ICAM5: variants seen among roughly 807,000 people sequenced by gnomAD.
ICAM5 encodes the protein intercellular adhesion molecule 5.
Under a neutral mutation model 78.8 loss-of-function variants are expected in ICAM5, and 38 were observed. That is an observed-to-expected ratio of 0.48 (90% CI 0.37 to 0.63). The LOEUF is 0.63. Ranked by LOEUF, ICAM5 falls within the 30% of genes least tolerant of loss-of-function variation. The pLI is 0.00. For synonymous variants in ICAM5, 544 were observed against 590.9 expected (o/e 0.92, Z 1.15); for missense variants, 1,059 against 1,303.0 (o/e 0.81, Z 2.88).
chr19:10,296,306 T>C, intron 10 of ICAM5, 33 bp from the exon 11 acceptor site: 1 of 1,227,550 alleles, frequency 8.1e-7, no homozygotes, highest in Non-Finnish European at 1.0e-6. Context: ...CCCCGGAGCT[T>C]GGCCACCCTC....
intron 10 of ICAM5, among the ~76,000 whole-genome samples, chr19:10,295,984 G>C (rs2040217421): frequency 6.6e-6 from 1 of 152,030 alleles, no homozygotes; most frequent in Non-Finnish European, 1.5e-5. Context: ...GGTCAAGATC[G>C]CCTTCTCTCA....
Position 10,294,462 on chromosome 19 carries a change from G to A in ICAM5, c.2052G>A (p.Glu684=). The A allele has an allele frequency of 6.2e-7, 1 of 1,609,614 alleles. No homozygotes were observed. Among genetic ancestry groups the A allele is most frequent in the Non-Finnish European group, 8.5e-7 (1 of 1,178,128 alleles). ...PSHQTWLEGA[E]ASALACAARG... Reference sequence around the variant, plus strand: ...ACCAGACGTGGCTGGAAGGGGCTGAGGCTTCCGCGCTGGCCTGCGCCGCCC... The same window carrying A: ...ACCAGACGTGGCTGGAAGGGGCTGAAGCTTCCGCGCTGGCCTGCGCCGCCC... Residue 684 remains glutamate (E), a synonymous_variant, in exon 9 of 11, where the codon GAG becomes GAA. Transcript: ENST00000221980. The surrounding 1 kb of genome is among the most constrained non-coding windows in gnomAD (Gnocchi z 7.7).
In ICAM5 at chr19:10,291,575, G is replaced by A. The variant is rs749207610; in HGVS notation, c.439G>A (p.Ala147Thr). 10 of 1,612,422 alleles carry A rather than the reference G, an allele frequency of 6.2e-6. No individual in the cohort carries two copies. Among genetic ancestry groups the A allele is most frequent in the Non-Finnish European group, 7.6e-6 (9 of 1,179,900 alleles). Residue 147 changes from alanine (A) to threonine (T), a missense_variant, in exon 3 of 11, where the codon GCC (alanine) becomes ACC (threonine). Coordinates refer to ENST00000221980, the MANE Select transcript of ICAM5 (RefSeq NM_003259.4). ...NFTLSCRVPG[A>T]GPRASLTLTL... ...CACCCTGAGCTGTAGGGTCCCCGGC[G>A]CCGGGCCCCGTGCGAGCCTCACGCT...
chr19:10,295,058 G>A (rs75095909), intron 9 of ICAM5, among the ~76,000 whole-genome samples: 6,171 of 152,160 alleles, frequency 0.041, 178 homozygotes, highest in Non-Finnish European at 0.052. Flanking sequence ...CTCTTTCTTA[G>A]AAAAACAGAA....
chr19:10,296,508 C>A lies in ICAM5; in HGVS notation c.2667C>A (p.Gly889=), dbSNP rs1316726985. 1 of 1,222,000 alleles carries A rather than the reference C, an allele frequency of 8.2e-7. No homozygotes were observed. Among genetic ancestry groups the A allele is most frequent in the South Asian group, 3.6e-5 (1 of 28,136 alleles). 75.7% of individuals were successfully genotyped at this position (1,222,000 alleles called of 1,614,324 possible). ...GEAVCLNGAG[G]GAGGAAGAEG... is the part of the protein sequence containing the mutation. ...CCGTGTGTCTGAACGGAGCGGGCGG[C>A]GGCGCTGGCGGGGCGGCAGGCGCGG... Residue 889 remains glycine (G), a synonymous_variant, in exon 11 of 11, where the codon GGC becomes GGA. Transcript: ENST00000221980.
At chr19:10,291,034 G>A (rs1245404851) in intron 1 of ICAM5, 38 bp from the exon 2 acceptor site, 5 of 1,576,058 alleles carry the variant, frequency 3.2e-6, no homozygotes, top group South Asian at 2.3e-5. Context: ...ATGTCAGGGA[G>A]TTGGCTCCCC....
chr19:10,292,570 G>A lies in ICAM5; in HGVS notation c.962-42G>A, dbSNP rs753294969. The A allele has an allele frequency of 1.7e-5, 26 of 1,520,814 alleles. 1 individual carries two copies. The South Asian group carries it at 3.1e-4, about 18-fold the overall frequency. 94.2% of individuals were successfully genotyped at this position (1,520,814 alleles called of 1,614,324 possible). ...AAGGGGCGGGCCTTGACCGGAGGGA[G>A]GGGTATGGTCAGTATACTACGACCA... On this transcript the variant is annotated intron_variant, in intron 4 of 10. Coordinates refer to ENST00000221980, the MANE Select transcript of ICAM5 (RefSeq NM_003259.4).
chr19:10,290,755 C>G lies in ICAM5; in HGVS notation c.83-317C>G. 1 of 444,472 alleles carries G rather than the reference C, an allele frequency of 2.2e-6. No homozygotes were observed. Among genetic ancestry groups the G allele is most frequent in the South Asian group, 4.0e-5 (1 of 25,070 alleles). The allele number at this position is 444,472 out of a possible 1,614,324, so 27.5% of individuals were successfully genotyped here. On this transcript the variant is annotated intron_variant, in intron 1 of 10. Coordinates refer to ENST00000221980, the MANE Select transcript of ICAM5 (RefSeq NM_003259.4). This position sits in a 1 kb window ranked among gnomAD's most constrained non-coding sequence, Gnocchi z 5.7. ...CATCCCCCATCCCGGGTCCCCTTCT[C>G]TCAGCCTTGCTGTGTTCATCCAAGA...
At position 10,289,978 on chromosome 19, in the gene ICAM5, G is replaced by A; in HGVS notation, c.-66G>A. On this transcript the variant is annotated 5_prime_UTR_variant, in exon 1 of 11. Transcript: ENST00000221980. ...CACCCCACCCGCCGCGCCGCGCGGA[G>A]CCGTCCTCTAGCCCAGCTCCTCGGC... The A allele has an allele frequency of 7.3e-7, 1 of 1,369,012 alleles. No homozygotes were observed. Among genetic ancestry groups the A allele is most frequent in the Non-Finnish European group, 9.9e-7 (1 of 1,011,256 alleles). The allele number at this position is 1,369,012 out of a possible 1,614,324, so 84.8% of individuals were successfully genotyped here.
rs1367110268 is a variant in ICAM5 at position 10,290,861 on chromosome 19, C to T, written c.83-211C>T. ...GCGCTTTGGAGACCATGGCTCTCTGCTACCACGTCCCAGAGACACCCTCGA... is the reference window on the plus strand; with the variant it reads ...GCGCTTTGGAGACCATGGCTCTCTGTTACCACGTCCCAGAGACACCCTCGA... On this transcript the variant is annotated intron_variant, in intron 1 of 10. Transcript: ENST00000221980. This position sits in a 1 kb window ranked among gnomAD's most constrained non-coding sequence, Gnocchi z 5.7. 1.6e-6 allele frequency: 1 copy of T among 635,832 alleles called. No homozygotes were observed. Among genetic ancestry groups the T allele is most frequent in the Non-Finnish European group, 2.7e-6 (1 of 371,756 alleles). The allele number at this position is 635,832 out of a possible 1,614,324, so 39.4% of individuals were successfully genotyped here. A position where few individuals can be genotyped will look rare whatever the true frequency, so the allele number is the denominator to read the frequency against.
Position 10,291,029 on chromosome 19 carries a change from A to C in ICAM5, c.83-43A>C, listed in dbSNP as rs756777035. On this transcript the variant is annotated intron_variant, in intron 1 of 10. Transcript: ENST00000221980. ...CTCGACATAGGGGCGCTAAGATGTC[A>C]GGGAGTTGGCTCCCCAGGCTCAGCC... 9 of 1,568,872 alleles carry C rather than the reference A, an allele frequency of 5.7e-6. No homozygotes were observed. In the East Asian group the frequency reaches 1.8e-4, roughly 32 times the overall value.
chr19:10,290,700 T>A lies in ICAM5; in HGVS notation c.83-372T>A, dbSNP rs1239678611. The A allele has an allele frequency of 9.2e-6, 3 of 327,694 alleles. No individual in the cohort carries two copies. The highest frequency in any genetic ancestry group is 1.7e-5 in the Non-Finnish European group (3 of 177,802). The allele number at this position is 327,694 out of a possible 1,614,324, so 20.3% of individuals were successfully genotyped here. A position where few individuals can be genotyped will look rare whatever the true frequency, so the allele number is the denominator to read the frequency against. ...GCACTCTCCTCGTATCCCGGCATTC[T>A]GCCAGGACCCTGAGAACTGGTTCAT... On this transcript the variant is annotated intron_variant, in intron 1 of 10. Transcript: ENST00000221980. This position sits in a 1 kb window ranked among gnomAD's most constrained non-coding sequence, Gnocchi z 5.7.
chr19:10,295,727 T>A (rs1378129564), intron 10 of ICAM5, 115 bp downstream of exon 10: 10 of 1,216,116 alleles, frequency 8.2e-6, no homozygotes, highest in Non-Finnish European at 1.1e-5. Context: ...TAGACGGAAG[T>A]GGGACAGAGT....
At chr19:10,295,221 G>T (rs1441718816) in intron 9 of ICAM5, 125 bp from the exon 10 acceptor site, 1 of 1,078,960 alleles carries the variant, frequency 9.3e-7, no homozygotes, top group African/African-American at 1.6e-5. Flanking sequence ...TCTGATAGGA[G>T]GCAGGATCCT....
Position 10,291,321 on chromosome 19 carries a change from G to C in ICAM5, c.332G>C (p.Arg111Pro), listed in dbSNP as rs1171654151. 2.5e-6 allele frequency: 4 copies of C among 1,609,394 alleles called. No homozygotes were observed. The highest frequency in any genetic ancestry group is 3.4e-6 in the Non-Finnish European group (4 of 1,177,398). ...TGCGCGCGGCGCACACTACAGGCGC[G>C]TGGGCTCATTCGCACTTTCCGTGAG... ...FRCARRTLQA[R>P]GLIRTFQRPD... Residue 111 changes from arginine (R) to proline (P), a missense_variant, in exon 2 of 11, where the codon CGT (arginine) becomes CCT (proline). Coordinates refer to ENST00000221980, the MANE Select transcript of ICAM5 (RefSeq NM_003259.4).
chr19:10,293,935 C>A lies in ICAM5; in HGVS notation c.1703C>A (p.Thr568Lys), dbSNP rs1325001528. ...TCTGCGGCCAAAAATGTGGCCGTCA[C>A]GGTGGAATGTGAGTAGGGGCACCGC... ...RGSAAKNVAV[T>K]VEYGPRFEEP... The change falls in exon 7 of 11, where the codon ACG (threonine) becomes AAG (lysine). Residue 568 changes from threonine to lysine, a missense_variant. Around this residue, in one of 3 missense-constraint regions of ICAM5, gnomAD observed 815 missense variants for 952.8 expected, o/e 0.86. Coordinates refer to ENST00000221980, the MANE Select transcript of ICAM5 (RefSeq NM_003259.4). The surrounding 1 kb of genome is among the most constrained non-coding windows in gnomAD (Gnocchi z 5.0). The A allele has an allele frequency of 3.2e-5, 51 of 1,611,966 alleles. No homozygotes were observed. The highest frequency in any genetic ancestry group is 3.7e-5 in the Non-Finnish European group (44 of 1,179,670).
chr19:10,293,835 G>A lies in ICAM5; in HGVS notation c.1603G>A (p.Val535Ile), dbSNP rs765026177. Reference protein sequence around the residue: ...ICVRSGELGAVIEGLLRVARE... With the variant: ...ICVRSGELGAIIEGLLRVARE... ...CGTGCGCTCTGGAGAACTCGGGGCC[G>A]TCATCGAGGGGCTGTTGCGTGTGGC... Residue 535 changes from valine to isoleucine, a missense_variant, in exon 7 of 11, where the codon GTC becomes ATC. Coordinates refer to ENST00000221980, the MANE Select transcript of ICAM5 (RefSeq NM_003259.4). This position sits in a 1 kb window ranked among gnomAD's most constrained non-coding sequence, Gnocchi z 5.0. 6 of 1,612,752 alleles carry A rather than the reference G, an allele frequency of 3.7e-6. No individual in the cohort carries two copies. The highest frequency in any genetic ancestry group is 1.1e-5 in the South Asian group (1 of 91,092).
In ICAM5 at chr19:10,294,352, T is replaced by C; in HGVS notation, c.1990+34T>C. The stretch of plus-strand genomic sequence containing the variant: ...GGCCCAGGCGGGTAGGGAGCAGGGG[T>C]GCCCCACGGTCCAGGCACTCCCTGA... On this transcript the variant is annotated intron_variant, in intron 8 of 10. Transcript: ENST00000221980. The surrounding 1 kb of genome is among the most constrained non-coding windows in gnomAD (Gnocchi z 7.7). 2.5e-6 allele frequency: 4 copies of C among 1,611,792 alleles called. No homozygotes were observed. Among genetic ancestry groups the C allele is most frequent in the Non-Finnish European group, 3.4e-6 (4 of 1,179,110 alleles).
Position 10,293,827 on chromosome 19 carries a change from T to A in ICAM5, c.1595T>A (p.Leu532His). 1 of 1,613,204 alleles carries A rather than the reference T, an allele frequency of 6.2e-7. No homozygotes were observed. Among genetic ancestry groups the A allele is most frequent in the Non-Finnish European group, 8.5e-7 (1 of 1,179,988 alleles). ...GTGATCTGCGTGCGCTCTGGAGAAC[T>A]CGGGGCCGTCATCGAGGGGCTGTTG... is the stretch of plus-strand genomic sequence containing the variant. The part of the protein sequence containing the change: ...PDVICVRSGE[L>H]GAVIEGLLRV... Residue 532 changes from leucine to histidine, a missense_variant, in exon 7 of 11, where the codon CTC becomes CAC. Leu to His is a moderately conservative substitution (Grantham distance 99). Transcript: ENST00000221980. The surrounding 1 kb of genome is among the most constrained non-coding windows in gnomAD (Gnocchi z 5.0).
Sources: allele counts gnomAD v4.1 joint callset (sites outside exome capture counted in the v4.1 genomes callset), GRCh38; gene constraint gnomAD v4.1.1; regional missense constraint gnomAD v4.1.1; non-coding constraint Gnocchi (gnomAD v3.1); transcripts MANE v1.5; gene names NCBI Gene and HGNC (gene_info 2026-07-23, HGNC 2026-07-21).